Variants in KASH5 observed in about 807,000 individuals in gnomAD.
The protein encoded by KASH5 is KASH domain containing 5.
A neutral mutation model predicts 84.2 loss-of-function variants in KASH5; 72 were observed. That is an observed-to-expected ratio of 0.85 (90% CI 0.71 to 1.04). The LOEUF (loss-of-function observed/expected upper bound fraction) is 1.04, where lower values mean the gene tolerates loss of function less well. Ranked by LOEUF, KASH5 falls within the 50% of genes least tolerant of loss-of-function variation. The pLI is 0.00. For missense variants in KASH5, 650 were observed against 701.0 expected (o/e 0.93, Z 0.82); for synonymous variants, 260 against 279.1 (o/e 0.93, Z 0.68).
At position 49,407,025 on chromosome 19, in the gene KASH5, C is replaced by G. The variant is rs900380872; in HGVS notation, c.876+62C>G. The G allele has an allele frequency of 6.0e-6, 9 of 1,496,002 alleles. No individual in the cohort carries two copies. The South Asian group carries it at 1.1e-4, about 18-fold the overall frequency. 92.7% of individuals were successfully genotyped at this position (1,496,002 alleles called of 1,614,324 possible). On this transcript the variant is annotated intron_variant, in intron 10 of 19. Coordinates refer to ENST00000447857, the MANE Select transcript of KASH5 (RefSeq NM_144688.5). Reference sequence around the variant, plus strand: ...ACCCCGGGGCCATTTTTCCCATTTCCGGTTTTAGTGACTGCAGCCTGATAA... The same window carrying G: ...ACCCCGGGGCCATTTTTCCCATTTCGGGTTTTAGTGACTGCAGCCTGATAA...
Position 49,409,212 on chromosome 19 carries a change from C to T in KASH5, c.1075C>T (p.Gln359Ter). 1 of 1,613,834 alleles carries T rather than the reference C, an allele frequency of 6.2e-7. No individual in the cohort carries two copies. The highest frequency in any genetic ancestry group is 8.5e-7 in the Non-Finnish European group (1 of 1,179,768). ...TGTGGCCAGGCTACCTGAAGGGGCC[C>T]AGCTGAGAAGAGTGGGCTGGACCGA... is the stretch of plus-strand genomic sequence containing the variant. ...EGPDELPEGA[Q>*]LRRVGWTELL... The change falls in exon 14 of 20, where the codon CAG becomes TAG. Residue 359 changes from glutamine (Q) to a stop codon, truncating the protein, a stop_gained. Transcript: ENST00000447857. LOFTEE classifies it high-confidence loss of function.
At chr19:49,402,748 CT>C (rs569723315) in intron 9 of KASH5, among the ~76,000 whole-genome samples, 35 of 152,274 alleles carry the variant, frequency 2.3e-4, no homozygotes, top group Non-Finnish European at 4.7e-4. Context: ...CTGAAGCCCC[CT>C]GGCAGAACTT....
Position 49,411,969 on chromosome 19 carries a change from AAG to A in KASH5, c.1270-998_1270-997del, listed in dbSNP as rs1174610955. Reference sequence around the variant, plus strand: ...GAAGGAAGGAAGGAAGGAAGGAAGGAAGGAAAGAAGGAAGCCAGCCTTTGAGG... The same window carrying A: ...GAAGGAAGGAAGGAAGGAAGGAAGGAGAAAGAAGGAAGCCAGCCTTTGAGG... On this transcript the variant is annotated intron_variant, in intron 15 of 19. Coordinates refer to ENST00000447857, the MANE Select transcript of KASH5 (RefSeq NM_144688.5). 9.5e-3 allele frequency among the ~76,000 whole-genome samples: 1,308 copies of A among 137,102 alleles called. 7 individuals carry two copies. Among genetic ancestry groups the A allele is most frequent in the Non-Finnish European group, 0.014 (907 of 65,884 alleles). The allele number at this position is 137,102 out of a possible 152,430, so 89.9% of individuals were successfully genotyped here. A position where few individuals can be genotyped will look rare whatever the true frequency, so the allele number is the denominator to read the frequency against.
At chr19:49,392,959 C>G (rs186023603) in intron 2 of KASH5, among the ~76,000 whole-genome samples, 8 of 150,848 alleles carry the variant, frequency 5.3e-5, no homozygotes, top group African/African-American at 1.7e-4. Flanking sequence ...GGGGCTAAAG[C>G]CCTGGTCTCC....
chr19:49,416,913 G>A lies in KASH5; in HGVS notation c.1375-102G>A. ...AGAAGTGCACTCACTTATCTCCTGA[G>A]CTCCACCACTTTCTATGTGGCCACT... On this transcript the variant is annotated intron_variant, in intron 17 of 19. Coordinates refer to ENST00000447857, the MANE Select transcript of KASH5 (RefSeq NM_144688.5). This position sits in a 1 kb window ranked among gnomAD's most constrained non-coding sequence, Gnocchi z 5.4. 1 of 1,176,696 alleles carries A rather than the reference G, an allele frequency of 8.5e-7. No homozygotes were observed. The highest frequency in any genetic ancestry group is 2.6e-5 in the East Asian group (1 of 39,126). 72.9% of individuals were successfully genotyped at this position (1,176,696 alleles called of 1,614,324 possible).
intron 14 of KASH5, among the ~76,000 whole-genome samples, chr19:49,409,535 A>G (rs188260953): frequency 6.2e-4 from 94 of 152,124 alleles, no homozygotes; most frequent in Non-Finnish European, 1.1e-3. Flanking sequence ...CTCCATGACC[A>G]TCTCACTCCT....
chr19:49,407,168 G>A, intron 10 of KASH5, 72 bp from the exon 11 acceptor site: 1 of 1,552,364 alleles, frequency 6.4e-7, no homozygotes, highest in Non-Finnish European at 8.9e-7. Flanking sequence ...AGAACAGGTG[G>A]GGCCAGGTGG....
intron 5 of KASH5, among the ~76,000 whole-genome samples, chr19:49,396,565 C>T (rs768797073): frequency 7.9e-5 from 12 of 152,186 alleles, no homozygotes; most frequent in South Asian, 2.1e-4. Flanking sequence ...TCATCCACTC[C>T]TCTGGCAAAG....
chr19:49,398,988 C>G (rs1307049924), intron 7 of KASH5, 37 bp from the exon 8 acceptor site: 1 of 1,464,282 alleles, frequency 6.8e-7, no homozygotes, highest in Middle Eastern at 1.7e-4. Context: ...TGCCTTCCTC[C>G]CTCTCGTATG....
rs1189591671 is a variant in KASH5 at position 49,395,069 on chromosome 19, C to T, written c.149-37C>T. On this transcript the variant is annotated intron_variant, in intron 3 of 19. Transcript: ENST00000447857. This position sits in a 1 kb window ranked among gnomAD's most constrained non-coding sequence, Gnocchi z 4.4. ...GCCAGTCCATACCCATCACTCCCCACCTGCCCCAGACCCCCTCACTGCATG... is the reference window on the plus strand; with the variant it reads ...GCCAGTCCATACCCATCACTCCCCATCTGCCCCAGACCCCCTCACTGCATG... 12 of 1,547,204 alleles carry T rather than the reference C, an allele frequency of 7.8e-6. No homozygotes were observed. The highest frequency in any genetic ancestry group is 1.0e-5 in the Non-Finnish European group (12 of 1,150,110).
intron 9 of KASH5, among the ~76,000 whole-genome samples, chr19:49,404,441 GT>G (rs1169491908): frequency 1.3e-5 from 2 of 152,160 alleles, no homozygotes; most frequent in Admixed American, 1.3e-4. Flanking sequence ...CCGGCCTATT[GT>G]TTTCCCAGCT....
chr19:49,390,658 G>A lies in KASH5; in HGVS notation c.-95-131G>A, dbSNP rs1973972081. On this transcript the variant is annotated intron_variant, in intron 1 of 19. Coordinates refer to ENST00000447857, the MANE Select transcript of KASH5 (RefSeq NM_144688.5). ...AATCCATAAAACAGGTCAGAGCGGA[G>A]CTGCTCAGGTCACAGCGGGGGTGAC... 1.2e-5 allele frequency: 6 copies of A among 497,452 alleles called. No individual in the cohort carries two copies. The South Asian group carries it at 1.7e-4, about 14-fold the overall frequency. The allele number at this position is 497,452 out of a possible 1,614,324, so 30.8% of individuals were successfully genotyped here.
In KASH5 at chr19:49,412,927, T is replaced by G; in HGVS notation, c.1270-41T>G. On this transcript the variant is annotated intron_variant, in intron 15 of 19. Coordinates refer to ENST00000447857, the MANE Select transcript of KASH5 (RefSeq NM_144688.5). This position sits in a 1 kb window ranked among gnomAD's most constrained non-coding sequence, Gnocchi z 4.6. ...GCACTGTTAGGGTTGGAGCTTTGAG[T>G]GAGAAGAATCAGAGAAGAACTAACC... The G allele has an allele frequency of 6.2e-7, 1 of 1,606,080 alleles. No homozygotes were observed. Among genetic ancestry groups the G allele is most frequent in the Non-Finnish European group, 8.5e-7 (1 of 1,174,122 alleles).
intron 16 of KASH5, among the ~76,000 whole-genome samples, chr19:49,413,231 C>T (rs563665680): frequency 3.3e-4 from 50 of 152,208 alleles, no homozygotes; most frequent in Non-Finnish European, 6.6e-4. Flanking sequence ...GGTTCCTGAC[C>T]CTGCCTTGGG....
In KASH5 at chr19:49,399,064, G is replaced by A. The variant is rs748377420; in HGVS notation, c.669G>A (p.Glu223=). The A allele has an allele frequency of 2.1e-5, 33 of 1,551,674 alleles. No homozygotes were observed. The South Asian group carries it at 2.1e-4, about 10-fold the overall frequency. Residue 223 remains glutamate, a synonymous_variant, in exon 8 of 20, where the codon GAG becomes GAA. Coordinates refer to ENST00000447857, the MANE Select transcript of KASH5 (RefSeq NM_144688.5). This position sits in a 1 kb window ranked among gnomAD's most constrained non-coding sequence, Gnocchi z 4.4. ...QALQFAKAMD[E]ELEDLKTLAR... The stretch of plus-strand genomic sequence containing the variant: ...TGCAGTTTGCCAAGGCCATGGATGA[G>A]GAGCTGGAGGACCTGAAGACTCTGG...
Position 49,395,767 on chromosome 19 carries a change from A to AG in KASH5, c.338dup. The AG allele has an allele frequency of 6.4e-7, 1 of 1,558,068 alleles. No individual in the cohort carries two copies. The highest frequency in any genetic ancestry group is 8.7e-7 in the Non-Finnish European group (1 of 1,151,208). On this transcript the variant is annotated splice_acceptor_variant, in intron 4 of 19. Transcript: ENST00000447857. LOFTEE classifies it high-confidence loss of function. This position sits in a 1 kb window ranked among gnomAD's most constrained non-coding sequence, Gnocchi z 4.4. The stretch of plus-strand genomic sequence containing the variant: ...GCGCTAAGCCTCATCCCTTTGATAC[A>AG]GGGGATTAGAGCTGGAAGAGGAGAC...
chr19:49,396,036 C>G (rs1009022567), intron 5 of KASH5, among the ~76,000 whole-genome samples: 1 of 152,082 alleles, frequency 6.6e-6, no homozygotes, highest in African/African-American at 2.4e-5. Context: ...GTTTCCAACT[C>G]GTTCTCCTCA....
intron 9 of KASH5, among the ~76,000 whole-genome samples, chr19:49,403,131 G>A (rs113919806): frequency 2.2e-4 from 33 of 152,322 alleles, no homozygotes; most frequent in Admixed American, 9.8e-4. Flanking sequence ...GCCGAGGCGG[G>A]CAGATCACAA....
At chr19:49,404,758 T>C (rs951459740) in intron 9 of KASH5, among the ~76,000 whole-genome samples, 1 of 152,184 alleles carries the variant, frequency 6.6e-6, no homozygotes, top group African/African-American at 2.4e-5. Context: ...AAATTGGAAA[T>C]GATTATACTA....
Sources: gnomAD v4.1 joint callset for allele counts (sites outside exome capture counted in the v4.1 genomes callset) on GRCh38, gnomAD v4.1.1 for gene constraint, Gnocchi (gnomAD v3.1) non-coding constraint, MANE v1.5 for transcripts, NCBI Gene and HGNC (gene_info 2026-07-23, HGNC 2026-07-21) for gene names.